The following ARID1B variants were observed in gnomAD, a reference collection of about 807,000 sequenced individuals.
ARID1B encodes the protein AT-rich interaction domain 1B.
ARID1B carries 30 observed loss-of-function variants against 212.3 expected under a neutral mutation model. The observed-to-expected ratio is 0.14, with a 90% CI of 0.11 to 0.19. The LOEUF is 0.19. ARID1B is among the 10% of genes least tolerant of loss of function. The probability of loss-of-function intolerance (pLI) is 1.00; values close to 1 mark genes in which losing one functional copy is unlikely to be tolerated. For synonymous variants in ARID1B, 1,402 were observed against 1,301.7 expected (o/e 1.08, Z -1.66); for missense variants, 2,891 against 3,204.0 (o/e 0.90, Z 2.36).
chr6:157,085,190 G>A (rs1408059404), intron 5 of ARID1B, among the ~76,000 whole-genome samples: 1 of 152,204 alleles, frequency 6.6e-6, no homozygotes, highest in Non-Finnish European at 1.5e-5. Flanking sequence ...CTTAGCATAT[G>A]TTTTGTAATG....
At chr6:156,982,863 A>G (rs1463820819) in intron 4 of ARID1B, among the ~76,000 whole-genome samples, 1 of 151,782 alleles carries the variant, frequency 6.6e-6, no homozygotes, top group Non-Finnish European at 1.5e-5. Context: ...TACCCTTTTT[A>G]CTTTTTACAA....
intron 2 of ARID1B, among the ~76,000 whole-genome samples, chr6:156,866,758 G>T (rs1037774338): frequency 2.0e-5 from 3 of 152,118 alleles, no homozygotes; most frequent in Non-Finnish European, 2.9e-5. Context: ...ATGGCTGTGG[G>T]TTACTGTCTG....
intron 1 of ARID1B, among the ~76,000 whole-genome samples, chr6:156,813,960 C>G (rs963288128): frequency 3.9e-5 from 6 of 152,168 alleles, no homozygotes; most frequent in African/African-American, 1.4e-4. Flanking sequence ...TTCATGCTCC[C>G]GCGCTGTGGA....
At chr6:156,998,602 T>TGGCTGTGCAGCCGACAGC (rs1778738993) in intron 4 of ARID1B, among the ~76,000 whole-genome samples, 1 of 152,188 alleles carries the variant, frequency 6.6e-6, no homozygotes, top group South Asian at 2.1e-4. Flanking sequence ...GAGCTGACAG[T>TGGCTGTGCAGCCGACAGC]GGCTGTGCAG....
At chr6:156,865,459 C>A (rs865973727) in intron 2 of ARID1B, among the ~76,000 whole-genome samples, 9 of 152,182 alleles carry the variant, frequency 5.9e-5, no homozygotes, top group Middle Eastern at 6.3e-3. Flanking sequence ...CTTCTTGTTT[C>A]CTAATCCTTT....
At chr6:156,791,510 T>A (rs1780006397) in intron 1 of ARID1B, among the ~76,000 whole-genome samples, 1 of 152,260 alleles carries the variant, frequency 6.6e-6, no homozygotes, top group South Asian at 2.1e-4. Flanking sequence ...TGAAGTGCCG[T>A]GACCTTCACA....
At chr6:156,828,675 A>G (rs981566952) in intron 1 of ARID1B, among the ~76,000 whole-genome samples, 1 of 152,188 alleles carries the variant, frequency 6.6e-6, no homozygotes, top group Non-Finnish European at 1.5e-5. Flanking sequence ...ATCCCTACAC[A>G]CTGCTGGTCT....
chr6:156,971,561 T>C (rs531111791), intron 4 of ARID1B, among the ~76,000 whole-genome samples: 65 of 152,186 alleles, frequency 4.3e-4, no homozygotes, highest in Non-Finnish European at 7.6e-4. Flanking sequence ...CTGTGTATTA[T>C]TTCATAGTTT....
chr6:157,144,258 C>T (rs1016872572), intron 7 of ARID1B, among the ~76,000 whole-genome samples: 2 of 152,214 alleles, frequency 1.3e-5, no homozygotes, highest in African/African-American at 4.8e-5. Flanking sequence ...AAGCAGAATT[C>T]TACAAACTCA....
chr6:157,055,039 C>T (rs909116508), intron 4 of ARID1B, among the ~76,000 whole-genome samples: 6 of 152,244 alleles, frequency 3.9e-5, no homozygotes, highest in Admixed American at 1.3e-4. Flanking sequence ...TGGGAAGCAT[C>T]CTCCTCAGCT....
rs1413303563 is a variant in ARID1B, at chr6:156,778,717, T to C, written c.1037T>C (p.Met346Thr). ...CATGGCGGACAACAAAGCCCCGGGA[T>C]GGGGATGATGCACTCCGCCTCCGCC... ...DQHGGQQSPG[M>T]GMMHSASAAA... The change falls in exon 1 of 20, where the codon ATG (methionine) becomes ACG (threonine). Residue 346 changes from methionine (M) to threonine (T), a missense_variant. By Grantham distance (81) the Met-to-Thr change is moderately conservative. Around this residue, in one of 7 missense-constraint regions of ARID1B, gnomAD observed 1,643 missense variants for 1,544.0 expected, o/e 1.06. Coordinates refer to ENST00000636930, the MANE Select transcript of ARID1B (RefSeq NM_001374828.1). 6.8e-7 allele frequency: 1 copy of C among 1,460,594 alleles called. No homozygotes were observed. Among genetic ancestry groups the C allele is most frequent in the South Asian group, 1.2e-5 (1 of 80,910 alleles). 90.5% of individuals were successfully genotyped at this position (1,460,594 alleles called of 1,614,324 possible). A position where few individuals can be genotyped will look rare whatever the true frequency, so the allele number is the denominator to read the frequency against.
chr6:157,038,909 C>CT (rs981799342), intron 4 of ARID1B, among the ~76,000 whole-genome samples: 124 of 146,744 alleles, frequency 8.5e-4, no homozygotes, highest in East Asian at 1.4e-3. Flanking sequence ...GTAGCCTTAA[C>CT]TTTTTTTTTT....
intron 6 of ARID1B, among the ~76,000 whole-genome samples, chr6:157,131,493 G>A (rs1192288011): frequency 6.6e-6 from 1 of 152,146 alleles, no homozygotes; most frequent in Non-Finnish European, 1.5e-5. Context: ...GGGAACGGGG[G>A]AGAGAGGCTT....
chr6:157,182,550 C>T lies in ARID1B; in HGVS notation c.3714+1372C>T, dbSNP rs150316014. 2.1e-3 allele frequency among the ~76,000 whole-genome samples: 322 copies of T among 152,202 alleles called. 1 individual carries two copies. Among genetic ancestry groups the T allele is most frequent in the African/African-American group, 7.5e-3 (311 of 41,534 alleles). ...GCGGGGGTCACTAACTATCCAAGGG[C>T]AAGTCATCTGCCCTGCAGGTGTCAC... On this transcript the variant is annotated intron_variant, in intron 12 of 19. Transcript: ENST00000636930.
At chr6:156,793,844 T>G (rs531694858) in intron 1 of ARID1B, among the ~76,000 whole-genome samples, 1 of 152,232 alleles carries the variant, frequency 6.6e-6, no homozygotes, top group Admixed American at 6.5e-5. Context: ...GCAATAGTAA[T>G]AGTAATAATG....
chr6:156,892,858 C>T lies in ARID1B; in HGVS notation c.1987-8518C>T, dbSNP rs573540763. 8.4e-4 allele frequency among the ~76,000 whole-genome samples: 128 copies of T among 152,160 alleles called. No homozygotes were observed. The Middle Eastern group carries it at 0.014, about 16-fold the overall frequency. On this transcript the variant is annotated intron_variant, in intron 2 of 19. Transcript: ENST00000636930. ...GATGTGTAAATACCAAACTGTACTT[C>T]TTAAAACAGAAAGATCCAAAGCTGA... is the stretch of plus-strand genomic sequence containing the variant.
chr6:156,943,573 A>G (rs1792837603), intron 4 of ARID1B: 1 of 151,238 alleles, frequency 6.6e-6, no homozygotes, highest in South Asian at 2.1e-4. Context: ...ACATCTTTCT[A>G]CTTGGTTCGT....
At chr6:157,141,588 C>A (rs982242828) in intron 7 of ARID1B, among the ~76,000 whole-genome samples, 5 of 152,088 alleles carry the variant, frequency 3.3e-5, no homozygotes, top group African/African-American at 1.2e-4. Flanking sequence ...TGTGATAGAT[C>A]TAAGTAGAAA....
At chr6:156,849,425 A>G (rs1784434683) in intron 2 of ARID1B, among the ~76,000 whole-genome samples, 1 of 152,262 alleles carries the variant, frequency 6.6e-6, no homozygotes, top group East Asian at 1.9e-4. Flanking sequence ...AATTGTCATT[A>G]CAAATAATTT....
Sources: allele counts gnomAD v4.1 joint callset (sites outside exome capture counted in the v4.1 genomes callset), GRCh38; gene constraint gnomAD v4.1.1; regional missense constraint gnomAD v4.1.1; transcripts MANE v1.5; gene names NCBI Gene and HGNC (gene_info 2026-07-23, HGNC 2026-07-21).